Variants in ATP8B1 observed in about 807,000 individuals in gnomAD.
ATP8B1 encodes ATPase phospholipid transporting 8B1.
In ATP8B1, 80 loss-of-function variants were observed where a neutral mutation model predicts 149.9. The ratio of observed to expected loss-of-function variants is 0.53; its 90% CI spans 0.45 to 0.64. ATP8B1 has a LOEUF of 0.64. ATP8B1 is among the 30% of genes least tolerant of loss of function. ATP8B1 has a pLI of 0.00. For synonymous variants in ATP8B1, 536 were observed against 562.8 expected (o/e 0.95, Z 0.67); for missense variants, 1,247 against 1,552.6 (o/e 0.80, Z 3.31).
chr18:57,666,519 A>G (rs929770003), intron 20 of ATP8B1, among the ~76,000 whole-genome samples: 1 of 136,732 alleles, frequency 7.3e-6, no homozygotes, highest in African/African-American at 2.8e-5. Flanking sequence ...CGGAATTTTT[A>G]GTAGGTGAAC....
At chr18:57,681,410 C>A (rs1911963868) in intron 15 of ATP8B1, among the ~76,000 whole-genome samples, 1 of 152,190 alleles carries the variant, frequency 6.6e-6, no homozygotes, top group Non-Finnish European at 1.5e-5. Flanking sequence ...TGAACCCAGT[C>A]ATGCCATGCT....
At chr18:57,719,321 G>A (rs888672827) in intron 2 of ATP8B1, among the ~76,000 whole-genome samples, 53 of 152,350 alleles carry the variant, frequency 3.5e-4, no homozygotes, top group Middle Eastern at 3.4e-3. Context: ...CAGAAGACCG[G>A]TGATTTCTCC....
intron 8 of ATP8B1, 58 bp downstream of exon 8, chr18:57,697,560 T>C: frequency 6.4e-7 from 1 of 1,567,314 alleles, no homozygotes; most frequent in Middle Eastern, 1.8e-4. Flanking sequence ...CCGATTTCAG[T>C]GGAATGAATG....
chr18:57,679,034 C>T (rs1177200411), intron 15 of ATP8B1, among the ~76,000 whole-genome samples: 1 of 145,046 alleles, frequency 6.9e-6, no homozygotes, highest in Non-Finnish European at 1.5e-5. Context: ...GACCTTTCGT[C>T]CTGGCTAACA....
At position 57,706,574 on chromosome 18, in the gene ATP8B1, T is replaced by A. The variant is rs1293790205; in HGVS notation, c.195A>T (p.Gln65His). The A allele has an allele frequency of 5.6e-6, 9 of 1,613,850 alleles. No homozygotes were observed. Among genetic ancestry groups the A allele is most frequent in the Non-Finnish European group, 5.9e-6 (7 of 1,179,842 alleles). ...REPFRKECTWQVKANDRKYHE... is the reference protein window; with the variant it reads ...REPFRKECTWHVKANDRKYHE... ...GGTACTTGCGATCGTTTGCTTTGAC[T>A]TGCCATGTACATTCTTTAAAAAAAA... is the stretch of plus-strand genomic sequence containing the variant. The change falls in exon 3 of 28, where the codon CAA (glutamine) becomes CAT (histidine). Residue 65 changes from glutamine to histidine, a missense_variant. By Grantham distance (24) the Gln-to-His change is conservative (BLOSUM62 0). Around this residue, in one of 3 missense-constraint regions of ATP8B1, gnomAD observed 853 missense variants for 1,035.7 expected, o/e 0.82. Transcript: ENST00000648908.
At chr18:57,753,949 G>A (rs12959723) in intron 1 of ATP8B1, among the ~76,000 whole-genome samples, 52,882 of 91,262 alleles carry the variant, frequency 0.58, 13,957 homozygotes, top group Non-Finnish European at 0.64. Flanking sequence ...AAAAAAAAAA[G>A]AAAGAAAGAA....
chr18:57,671,406 A>C, intron 17 of ATP8B1, 62 bp downstream of exon 17: 1 of 1,369,678 alleles, frequency 7.3e-7, no homozygotes. Flanking sequence ...ATGCAAACTT[A>C]ACAGACAGCA....
intron 1 of ATP8B1, among the ~76,000 whole-genome samples, chr18:57,762,393 C>G (rs2080166823): frequency 6.7e-6 from 1 of 149,622 alleles, no homozygotes; most frequent in African/African-American, 2.6e-5. Context: ...CCCGCGTCAG[C>G]CCCCCGAAGT....
intron 1 of ATP8B1, among the ~76,000 whole-genome samples, chr18:57,762,201 T>G (rs1384473590): frequency 2.6e-5 from 4 of 151,632 alleles, no homozygotes; most frequent in Non-Finnish European, 4.4e-5. Flanking sequence ...TGCAGTAATG[T>G]GATCTCGGCT....
intron 1 of ATP8B1, among the ~76,000 whole-genome samples, chr18:57,795,236 C>CA (rs757566811): frequency 2.9e-5 from 4 of 138,930 alleles, no homozygotes; most frequent in Non-Finnish European, 6.2e-5. Context: ...CACACACACA[C>CA]ATTTTTTTTT....
Position 57,770,106 on chromosome 18 carries a change from T to A in ATP8B1, c.-26+32892A>T, listed in dbSNP as rs568076783. 2.7e-5 allele frequency among the ~76,000 whole-genome samples: 4 copies of A among 146,764 alleles called. No individual in the cohort carries two copies. The South Asian group carries it at 8.6e-4, about 32-fold the overall frequency. ...TTTTTTGAGACAGAGTCTCACTCTC[T>A]CACTCAGGCTGAAGTGCAGTGGTGC... On this transcript the variant is annotated intron_variant, in intron 1 of 27. Transcript: ENST00000648908.
intron 1 of ATP8B1, among the ~76,000 whole-genome samples, chr18:57,777,422 G>GA (rs1443000279): frequency 2.0e-5 from 3 of 151,998 alleles, no homozygotes; most frequent in African/African-American, 4.8e-5. Context: ...TGTTCCAGGG[G>GA]AAAAAAGAAA....
At chr18:57,649,601 C>T (rs541959457) in intron 27 of ATP8B1, among the ~76,000 whole-genome samples, 1 of 152,084 alleles carries the variant, frequency 6.6e-6, no homozygotes, top group Non-Finnish European at 1.5e-5. Flanking sequence ...ATTGCCCCCC[C>T]CAACCCCTCA....
chr18:57,698,565 C>G (rs961347930), intron 6 of ATP8B1, among the ~76,000 whole-genome samples: 1 of 152,096 alleles, frequency 6.6e-6, no homozygotes, highest in Non-Finnish European at 1.5e-5. Flanking sequence ...GAACTCCTGA[C>G]CTCAGGTGAT....
rs1909320331 is a variant in ATP8B1, at chr18:57,648,407, C to T, written c.*81G>A. ...ATATCTTTGTGATGAATGCAATTCACACACACACACAAAGTCCTGAGAGTC... is the reference window on the plus strand; with the variant it reads ...ATATCTTTGTGATGAATGCAATTCATACACACACACAAAGTCCTGAGAGTC... On this transcript the variant is annotated 3_prime_UTR_variant, in exon 28 of 28. Transcript: ENST00000648908. The T allele has an allele frequency of 1.4e-6, 2 of 1,445,780 alleles. No homozygotes were observed. Among genetic ancestry groups the T allele is most frequent in the Non-Finnish European group, 9.7e-7 (1 of 1,031,486 alleles). 89.6% of individuals were successfully genotyped at this position (1,445,780 alleles called of 1,614,324 possible). A position where few individuals can be genotyped will look rare whatever the true frequency, so the allele number is the denominator to read the frequency against.
At chr18:57,687,111 G>C (rs904108079) in intron 13 of ATP8B1, among the ~76,000 whole-genome samples, 1 of 152,136 alleles carries the variant, frequency 6.6e-6, no homozygotes, top group African/African-American at 2.4e-5. Context: ...TTATAGGCAT[G>C]AGACACTGCA....
At chr18:57,657,001 T>TTAAG (rs771933316) in intron 22 of ATP8B1, among the ~76,000 whole-genome samples, 2 of 152,114 alleles carry the variant, frequency 1.3e-5, no homozygotes, top group Non-Finnish European at 2.9e-5. Flanking sequence ...TTTTTTTCTT[T>TTAAG]TAAGTTACAG....
At position 57,652,051 on chromosome 18, in the gene ATP8B1, G is replaced by A; in HGVS notation, c.3383C>T (p.Ser1128Phe). 1.2e-6 allele frequency: 2 copies of A among 1,613,618 alleles called. No homozygotes were observed. Among genetic ancestry groups the A allele is most frequent in the Non-Finnish European group, 1.7e-6 (2 of 1,179,830 alleles). ...HSAGIHVLFP[S>F]AFQFTGTASN... is the part of the protein sequence containing the mutation. ...ATACCAACCTGTAAATTGAAATGCA[G>A]ATGGAAAGAGAACATGTATTCCAGC... Residue 1128 changes from serine to phenylalanine, a missense_variant, in exon 26 of 28, where the codon TCT (serine) becomes TTT (phenylalanine). Coordinates refer to ENST00000648908, the MANE Select transcript of ATP8B1 (RefSeq NM_001374385.1).
Position 57,795,873 on chromosome 18 carries a change from A to AT in ATP8B1, c.-26+7124dup, listed in dbSNP as rs1265284645. 1.0e-3 allele frequency among the ~76,000 whole-genome samples: 119 copies of AT among 119,568 alleles called. 1 individual carries two copies. The highest frequency in any genetic ancestry group is 1.9e-3 in the Admixed American group (21 of 11,142). The allele number at this position is 119,568 out of a possible 152,430, so 78.4% of individuals were successfully genotyped here. ...ATGGTCAATGTTATGTATATTTTAC[A>AT]TTTAAAAAAAAAAAGTCAGGCGCAG... On this transcript the variant is annotated intron_variant, in intron 1 of 27. Transcript: ENST00000648908.
Sources: allele counts gnomAD v4.1 joint callset (sites outside exome capture counted in the v4.1 genomes callset), GRCh38; gene constraint gnomAD v4.1.1; regional missense constraint gnomAD v4.1.1; transcripts MANE v1.5; gene names NCBI Gene and HGNC (gene_info 2026-07-23, HGNC 2026-07-21).